ABTB3: variants seen among roughly 807,000 people sequenced by gnomAD.
The protein encoded by ABTB3 is ankyrin repeat and BTB domain containing 3, also known as ankyrin repeat- and BTB/POZ domain-containing protein 3.
the ABTB3 span, among the ~76,000 whole-genome samples, chr12:107,400,976 G>T: frequency 6.6e-6 from 1 of 152,108 alleles, no homozygotes; most frequent in Non-Finnish European, 1.5e-5. Flanking sequence ...ATCTGAGAAG[G>T]GCCGGTCCCT....
chr12:107,347,580 G>A, the ABTB3 span, among the ~76,000 whole-genome samples: 11 of 152,070 alleles, frequency 7.2e-5, no homozygotes, highest in African/African-American at 2.4e-5. Context: ...ACAGGGCCTG[G>A]GCTTCTTACA....
the ABTB3 span, among the ~76,000 whole-genome samples, chr12:107,420,980 A>G: frequency 0.12 from 17,755 of 152,128 alleles, 3,248 homozygotes; most frequent in African/African-American, 0.39. Flanking sequence ...CCAAATTTTC[A>G]TATCTCTTCT....
the ABTB3 span, chr12:107,617,156 C>G: frequency 6.2e-7 from 1 of 1,614,194 alleles, no homozygotes. Context: ...TACTCGGAAA[C>G]ACCCCTCCAG....
the ABTB3 span, among the ~76,000 whole-genome samples, chr12:107,495,894 T>C: frequency 6.6e-6 from 1 of 152,162 alleles, no homozygotes. Context: ...TTACATGACA[T>C]AAGATATTAA....
At chr12:107,615,752 T>C in the ABTB3 span, among the ~76,000 whole-genome samples, 1 of 152,246 alleles carries the variant, frequency 6.6e-6, no homozygotes, top group Non-Finnish European at 1.5e-5. Context: ...AAATATGTAT[T>C]GCTTGTACTT....
the ABTB3 span, among the ~76,000 whole-genome samples, chr12:107,431,340 G>T: frequency 4.4e-4 from 67 of 152,330 alleles, 1 homozygote; most frequent in African/African-American, 1.6e-3. Flanking sequence ...GCCAGGCATG[G>T]TGCCTCACAC....
At chr12:107,480,692 A>G in the ABTB3 span, among the ~76,000 whole-genome samples, 13 of 152,120 alleles carry the variant, frequency 8.5e-5, no homozygotes, top group Non-Finnish European at 1.5e-4. Context: ...TCGACATTGT[A>G]TGCAGAACGA....
chr12:107,342,391 G>A, the ABTB3 span, among the ~76,000 whole-genome samples: 1 of 152,072 alleles, frequency 6.6e-6, no homozygotes, highest in Admixed American at 6.5e-5. Context: ...GTCCAGAGTA[G>A]CTCTCAGCTG....
chr12:107,411,021 C>G, the ABTB3 span, among the ~76,000 whole-genome samples: 1 of 152,136 alleles, frequency 6.6e-6, no homozygotes, highest in Admixed American at 6.5e-5. Flanking sequence ...TAATTGAGGT[C>G]AGGCTTGGTG....
chr12:107,476,055 C>A, the ABTB3 span, among the ~76,000 whole-genome samples: 1 of 152,228 alleles, frequency 6.6e-6, no homozygotes, highest in Non-Finnish European at 1.5e-5. Flanking sequence ...ATCCGTCCCC[C>A]AGAAGCCGGG....
chr12:107,557,099 C>G, the ABTB3 span, among the ~76,000 whole-genome samples: 1 of 152,158 alleles, frequency 6.6e-6, no homozygotes, highest in Non-Finnish European at 1.5e-5. Context: ...ACACAAATTG[C>G]TATATACAGT....
chr12:107,508,438 CTTTTTTTTTTTTT>C, the ABTB3 span, among the ~76,000 whole-genome samples: 210 of 69,178 alleles, frequency 3.0e-3, 12 homozygotes, highest in East Asian at 0.079. Flanking sequence ...AAGATCATTT[CTTTTTTTTTTTTT>C]TTTTTTTTTT....
chr12:107,358,145 A>T, the ABTB3 span, among the ~76,000 whole-genome samples: 2 of 152,184 alleles, frequency 1.3e-5, no homozygotes, highest in Non-Finnish European at 2.9e-5. Context: ...CTAGTGGTGG[A>T]GGGGGAAAGA....
At chr12:107,574,542 G>A in the ABTB3 span, among the ~76,000 whole-genome samples, 138 of 152,282 alleles carry the variant, frequency 9.1e-4, 1 homozygote, top group African/African-American at 3.2e-3. Flanking sequence ...GGCCAACATA[G>A]TGAAACCCTG....
the ABTB3 span, among the ~76,000 whole-genome samples, chr12:107,332,236 G>A: frequency 6.6e-6 from 1 of 152,210 alleles, no homozygotes. Context: ...AGGTTCTGGT[G>A]TTGATAGAGT....
chr12:107,519,104 G>A, the ABTB3 span, among the ~76,000 whole-genome samples: 4 of 152,072 alleles, frequency 2.6e-5, no homozygotes, highest in African/African-American at 9.7e-5. Context: ...CACAATAACG[G>A]TGAGTAACTA....
chr12:107,318,988 G>C, the ABTB3 span: 2 of 1,613,838 alleles, frequency 1.2e-6, no homozygotes, highest in Non-Finnish European at 1.7e-6. Flanking sequence ...TGGAGGATCT[G>C]ACGCTGGACT....
the ABTB3 span, among the ~76,000 whole-genome samples, chr12:107,587,755 A>G: frequency 1.3e-5 from 2 of 152,196 alleles, no homozygotes; most frequent in East Asian, 3.8e-4. Flanking sequence ...TGTGAAATAC[A>G]CACACGTGTA....
chr12:107,628,606 G>C, the ABTB3 span, among the ~76,000 whole-genome samples: 1 of 152,118 alleles, frequency 6.6e-6, no homozygotes, highest in African/African-American at 2.4e-5. Context: ...ATTTAATAAG[G>C]AGGGCTTTTT....
Sources: allele counts gnomAD v4.1 joint callset (sites outside exome capture counted in the v4.1 genomes callset), GRCh38; gene constraint gnomAD v4.1.1; transcripts MANE v1.5; gene names NCBI Gene and HGNC (gene_info 2026-07-23, HGNC 2026-07-21).